Variants in IL1RAPL1 observed in about 807,000 individuals in gnomAD.
IL1RAPL1 encodes interleukin 1 receptor accessory protein like 1, also known as interleukin-1 receptor accessory protein-like 1.
In IL1RAPL1, 3 loss-of-function variants were observed where a neutral mutation model predicts 48.4. That is an observed-to-expected ratio of 0.06 (90% CI 0.03 to 0.16). The LOEUF is 0.16. Among genes scored for constraint, IL1RAPL1 ranks in the 10% least tolerant of loss-of-function variants. The pLI is 1.00. For synonymous variants in IL1RAPL1, 185 were observed against 187.7 expected (o/e 0.99, Z 0.12); for missense variants, 349 against 530.6 (o/e 0.66, Z 3.36).
At chrX:29,389,355 C>CAAAA (rs55950108) in intron 3 of IL1RAPL1, among the ~76,000 whole-genome samples, 5 of 52,876 alleles carry the variant, frequency 9.5e-5, no homozygotes, top group Admixed American at 2.4e-4. Context: ...GACTCCATCT[C>CAAAA]AAAAAAAAAA....
In IL1RAPL1 at chrX:29,106,411, G is replaced by A. The variant is rs780652734; in HGVS notation, c.83-176527G>A. 2.1e-3 allele frequency among the ~76,000 whole-genome samples: 231 copies of A among 110,074 alleles called. 1 individual carries two copies. Among genetic ancestry groups the A allele is most frequent in the African/African-American group, 6.9e-3 (207 of 30,192 alleles). On this transcript the variant is annotated intron_variant, in intron 2 of 10. Coordinates refer to ENST00000378993, the MANE Select transcript of IL1RAPL1 (RefSeq NM_014271.4). ...TCCTTTTCTTTTGGCTTTACATCCCGTTCTACAAGGACTCAGTGGGATTCT... is the reference window on the plus strand; with the variant it reads ...TCCTTTTCTTTTGGCTTTACATCCCATTCTACAAGGACTCAGTGGGATTCT...
chrX:29,092,704 G>A (rs771721647), intron 2 of IL1RAPL1, among the ~76,000 whole-genome samples: 9 of 111,453 alleles, frequency 8.1e-5, no homozygotes, highest in Non-Finnish European at 1.5e-4. Context: ...AAAAATATAT[G>A]TCATCAGTCA....
At chrX:29,801,742 G>A (rs766905362) in intron 6 of IL1RAPL1, among the ~76,000 whole-genome samples, 2 of 111,828 alleles carry the variant, frequency 1.8e-5, no homozygotes, top group South Asian at 3.7e-4. Context: ...AACTAAGATC[G>A]ATCAAAGTAA....
At chrX:29,167,294 G>GCTTCCC (rs765194942) in intron 2 of IL1RAPL1, among the ~76,000 whole-genome samples, 2 of 108,659 alleles carry the variant, frequency 1.8e-5, no homozygotes, top group African/African-American at 6.7e-5. Flanking sequence ...TTCCCATTCC[G>GCTTCCC]CTTCCCCTTC....
chrX:29,357,087 A>G (rs1405081125), intron 3 of IL1RAPL1, among the ~76,000 whole-genome samples: 4 of 112,362 alleles, frequency 3.6e-5, no homozygotes, highest in African/African-American at 1.3e-4. Flanking sequence ...TGGTGTATGT[A>G]TTGTAAAATA....
chrX:29,757,219 G>A (rs1250424511), intron 6 of IL1RAPL1, among the ~76,000 whole-genome samples: 1 of 111,996 alleles, frequency 8.9e-6, no homozygotes, highest in Admixed American at 9.5e-5. Flanking sequence ...ATACAAAAAA[G>A]AAGAGAAAAG....
chrX:29,177,130 G>C (rs1930040103), intron 2 of IL1RAPL1, among the ~76,000 whole-genome samples: 1 of 111,318 alleles, frequency 9.0e-6, no homozygotes, highest in African/African-American at 3.3e-5. Context: ...GCTGAATTCT[G>C]CTTCAGTGGA....
chrX:29,189,384 T>G (rs1187304433), intron 2 of IL1RAPL1, among the ~76,000 whole-genome samples: 1 of 111,923 alleles, frequency 8.9e-6, no homozygotes. Context: ...GAATAAATTA[T>G]AAAGATATCT....
At chrX:29,785,775 A>G (rs1249824458) in intron 6 of IL1RAPL1, among the ~76,000 whole-genome samples, 1 of 111,822 alleles carries the variant, frequency 8.9e-6, no homozygotes, top group Non-Finnish European at 1.9e-5. Flanking sequence ...ATTTCAAACC[A>G]TTCTCTTGAA....
At chrX:29,041,409 A>G (rs1040732935) in intron 2 of IL1RAPL1, among the ~76,000 whole-genome samples, 7 of 112,089 alleles carry the variant, frequency 6.2e-5, no homozygotes, top group African/African-American at 1.9e-4. Flanking sequence ...TACAGCTTAC[A>G]GACTTGAGAA....
At chrX:29,802,775 ATATATATGTGTGTG>A (rs1273087988) in intron 6 of IL1RAPL1, among the ~76,000 whole-genome samples, 1,450 of 30,573 alleles carry the variant, frequency 0.047, 43 homozygotes, top group South Asian at 0.099. Flanking sequence ...ATATATATAT[ATATATATGTGTGTG>A]TGTATATATA....
chrX:28,678,698 A>C, intron 1 of IL1RAPL1, among the ~76,000 whole-genome samples: 1 of 111,726 alleles, frequency 9.0e-6, no homozygotes, highest in Middle Eastern at 4.7e-3. Context: ...AGCTGAGTGG[A>C]GAGTTTAAAT....
chrX:28,779,634 GTATATATATATATA>G (rs1183080798), intron 1 of IL1RAPL1, among the ~76,000 whole-genome samples: 19 of 38,345 alleles, frequency 5.0e-4, no homozygotes, highest in East Asian at 1.0e-3. Context: ...GTGTGTGTGT[GTATATATATATATA>G]TATATATATA....
chrX:28,970,371 G>A (rs1427245680), intron 2 of IL1RAPL1, among the ~76,000 whole-genome samples: 2 of 112,181 alleles, frequency 1.8e-5, no homozygotes, highest in African/African-American at 6.5e-5. Flanking sequence ...TTTTTATAAG[G>A]ATTTAGAAAT....
At chrX:29,191,347 A>C (rs1305930372) in intron 2 of IL1RAPL1, among the ~76,000 whole-genome samples, 1 of 111,947 alleles carries the variant, frequency 8.9e-6, no homozygotes, top group Non-Finnish European at 1.9e-5. Flanking sequence ...ATGTTCCATG[A>C]AACCTAGTCC....
intron 5 of IL1RAPL1, among the ~76,000 whole-genome samples, chrX:29,614,290 G>A (rs1222564298): frequency 2.7e-5 from 3 of 111,940 alleles, no homozygotes; most frequent in Non-Finnish European, 5.6e-5. Flanking sequence ...TGTCCCACAT[G>A]AGACTCTGGT....
intron 3 of IL1RAPL1, among the ~76,000 whole-genome samples, chrX:29,325,628 T>C (rs919577705): frequency 1.8e-5 from 2 of 112,542 alleles, no homozygotes; most frequent in African/African-American, 6.4e-5. Context: ...TACTTGCACA[T>C]TATTTGCAAG....
chrX:29,219,440 AAGAAGG>A (rs1930933898), intron 2 of IL1RAPL1, among the ~76,000 whole-genome samples: 1 of 111,299 alleles, frequency 9.0e-6, no homozygotes, highest in African/African-American at 3.3e-5. Context: ...TACTAATATG[AAGAAGG>A]AGAAGGAGAA....
chrX:29,654,068 A>G (rs1925601378), intron 5 of IL1RAPL1, among the ~76,000 whole-genome samples: 1 of 110,041 alleles, frequency 9.1e-6, no homozygotes, highest in Non-Finnish European at 1.9e-5. Flanking sequence ...AGGAAGAAGG[A>G]AAAAAGAAAG....
Sources: allele counts gnomAD v4.1 joint callset (sites outside exome capture counted in the v4.1 genomes callset), GRCh38; gene constraint gnomAD v4.1.1; transcripts MANE v1.5; gene names NCBI Gene and HGNC (gene_info 2026-07-23, HGNC 2026-07-21).